MAD2L2: variants seen among roughly 807,000 people sequenced by gnomAD.
The protein encoded by MAD2L2 is mitotic arrest deficient 2 like 2.
In MAD2L2, 17 loss-of-function variants were observed where a neutral mutation model predicts 30.5. The ratio of observed to expected loss-of-function variants is 0.56; its 90% confidence interval spans 0.38 to 0.84. The LOEUF is 0.84. MAD2L2 is among the 40% of genes least tolerant of loss of function. MAD2L2 has a pLI of 0.00. For synonymous variants in MAD2L2, 101 were observed against 113.9 expected, an observed-to-expected ratio of 0.89 and a Z score of 0.72; for missense variants, 213 against 277.4, an observed-to-expected ratio of 0.77 and a Z score of 1.65.
Position 11,676,855 on chromosome 1 carries a change from A to C in MAD2L2, c.325T>G (p.Ser109Ala). 1 of 1,613,754 alleles carries C rather than the reference A, an allele frequency of 6.2e-7. No individual in the cohort carries two copies. The change falls in exon 5 of 9, where the codon TCC becomes GCC. Residue 109 changes from serine to alanine, a missense_variant. Transcript: ENST00000376692. ...GGGGCAGGGGCAGCCCACCTGATGG[A>C]CAGCAGTGGAGGCTGGGTGATCTCA... ...VFEITQPPLL[S>A]ISSDSLLSHV...
At chr1:11,677,762 C>T in intron 3 of MAD2L2, 148 bp from the exon 4 acceptor site, 1 of 649,368 alleles carries the variant, frequency 1.5e-6, no homozygotes, top group Non-Finnish European at 2.7e-6. Flanking sequence ...CACTTTCCCT[C>T]AAGAGGCTAA....
At position 11,688,145 on chromosome 1, in the gene MAD2L2, G is replaced by A. The variant is rs1640995127; in HGVS notation, c.-692+3268C>T. Among the ~76,000 whole-genome samples, 1 of 152,176 alleles carries A rather than the reference G, an allele frequency of 6.6e-6. No individual in the cohort carries two copies. The highest frequency in any genetic ancestry group is 2.4e-5 in the African/African-American group (1 of 41,446). ...CTCTATCCTTGGCGACGCAAATCAT[G>A]CTGGCTGCACACTGCCCCCTCTCCC... On this transcript the variant is annotated intron_variant, in intron 1 of 10. Coordinates refer to the MAD2L2 transcript ENST00000235310. This position sits in a 1 kb window ranked among gnomAD's most constrained non-coding sequence, Gnocchi z 4.6.
At position 11,677,475 on chromosome 1, in the gene MAD2L2, G is replaced by A. The variant is rs775984910; in HGVS notation, c.231+68C>T. The A allele has an allele frequency of 4.1e-6, 6 of 1,445,798 alleles. 1 individual carries two copies. The South Asian group carries it at 6.8e-5, about 16-fold the overall frequency. 89.6% of individuals were successfully genotyped at this position (1,445,798 alleles called of 1,614,324 possible). On this transcript the variant is annotated intron_variant, in intron 4 of 8. Coordinates refer to ENST00000376692, the MANE Select transcript of MAD2L2 (RefSeq NM_006341.4). Reference sequence around the variant, plus strand: ...CTAGCTTCACCCCATCCCAGAGTTGGACTGTGAGCACACAGGGACGGGGGT... The same window carrying A: ...CTAGCTTCACCCCATCCCAGAGTTGAACTGTGAGCACACAGGGACGGGGGT...
chr1:11,675,023 G>A lies in MAD2L2; in HGVS notation c.594+59C>T, dbSNP rs28924115. ...AGCCCTCTAGTAAGGCCTCAGCACC[G>A]GGCCTCACTTCGTTAAGCAGCCCCT... On this transcript the variant is annotated intron_variant, in intron 8 of 8. Transcript: ENST00000376692. The A allele has an allele frequency of 1.6e-3, 2,262 of 1,422,718 alleles. 32 individuals carry two copies. In the African/African-American group the frequency reaches 0.028, roughly 18 times the overall value. 88.1% of individuals were successfully genotyped at this position (1,422,718 alleles called of 1,614,324 possible).
In MAD2L2 at chr1:11,677,553, A is replaced by C. The variant is rs1331983281; in HGVS notation, c.221T>G (p.Leu74Arg). The change falls in exon 4 of 9, where the codon CTC becomes CGC. Residue 74 changes from leucine to arginine, a missense_variant. Coordinates refer to ENST00000376692, the MANE Select transcript of MAD2L2 (RefSeq NM_006341.4). ...CCAGTGCACCCTCACCTTCTCCAGG[A>C]GTGGCTTGACGCAGTGCAGCGTGTC... ...IQDTLHCVKP[L>R]LEKNDVEKVV... The C allele has an allele frequency of 1.9e-6, 3 of 1,613,826 alleles. No individual in the cohort carries two copies.
Position 11,680,447 on chromosome 1 carries a change from A to T in MAD2L2, c.65T>A (p.Phe22Tyr), listed in dbSNP as rs1415526246. Residue 22 changes from phenylalanine (F) to tyrosine (Y), a missense_variant, in exon 3 of 9, where the codon TTC becomes TAC. Phe to Tyr is a conservative substitution (Grantham distance 22). Transcript: ENST00000376692. Reference sequence around the variant, plus strand: ...GATGAGATGCACAGCCACCTCCAGGAACTCGCAGAGCACATCGGCCACCAC... The same window carrying T: ...GATGAGATGCACAGCCACCTCCAGGTACTCGCAGAGCACATCGGCCACCAC... ...GQVVADVLCE[F>Y]LEVAVHLILY... 6.2e-7 allele frequency: 1 copy of T among 1,613,886 alleles called. No individual in the cohort carries two copies. Among genetic ancestry groups the T allele is most frequent in the Non-Finnish European group, 8.5e-7 (1 of 1,179,894 alleles).
chr1:11,677,383 T>G, intron 4 of MAD2L2, 160 bp downstream of exon 4: 1 of 713,050 alleles, frequency 1.4e-6, no homozygotes, highest in South Asian at 1.8e-5. Context: ...GCCCCTGGGT[T>G]GGGATGGTCT....
Position 11,675,739 on chromosome 1 carries a change from G to A in MAD2L2, c.428-8C>T, listed in dbSNP as rs1237684412. On this transcript the variant is annotated splice_region_variant and splice_polypyrimidine_tract_variant and intron_variant, in intron 6 of 8. Transcript: ENST00000376692. ...GGACTGTGAAGGTACAGCCTGGAGA[G>A]GCAAGAGGTTGGTGGAGGCTCCCCC... 1.9e-6 allele frequency: 3 copies of A among 1,613,618 alleles called. No homozygotes were observed. In the Admixed American group the frequency reaches 5.0e-5, roughly 27 times the overall value.
chr1:11,688,671 T>C lies in MAD2L2; in HGVS notation c.-692+2742A>G, dbSNP rs183667501. Among the ~76,000 whole-genome samples the C allele has an allele frequency of 2.0e-5, 3 of 152,302 alleles. No homozygotes were observed. The East Asian group carries it at 5.8e-4, about 29-fold the overall frequency. On this transcript the variant is annotated intron_variant, in intron 1 of 10. Coordinates refer to the MAD2L2 transcript ENST00000235310. The surrounding 1 kb of genome is among the most constrained non-coding windows in gnomAD (Gnocchi z 4.6). ...AAGCTCAAGTCCTCCCTGTGGCCTT[T>C]GCAGGCTCACATTGTTAGAGGTGTC...
At chr1:11,680,932 A>G (rs1640865268) in intron 1 of MAD2L2, 107 bp downstream of exon 1, 2 of 363,684 alleles carry the variant, frequency 5.5e-6, no homozygotes, top group Non-Finnish European at 8.7e-6. Context: ...CCGGGAGCGC[A>G]AAGCGGGACA....
chr1:11,688,710 C>T lies in MAD2L2; in HGVS notation c.-692+2703G>A, dbSNP rs1570297573. ...GTTAGAGGTGTCTGAACCAGAGCAACCCCATCTTGAGTAGGGGCTGGGTCA... is the reference window on the plus strand; with the variant it reads ...GTTAGAGGTGTCTGAACCAGAGCAATCCCATCTTGAGTAGGGGCTGGGTCA... On this transcript the variant is annotated intron_variant, in intron 1 of 10. Coordinates refer to the MAD2L2 transcript ENST00000235310. The surrounding 1 kb of genome is among the most constrained non-coding windows in gnomAD (Gnocchi z 4.6). Among the ~76,000 whole-genome samples the T allele has an allele frequency of 6.6e-6, 1 of 152,198 alleles. No homozygotes were observed. Among genetic ancestry groups the T allele is most frequent in the African/African-American group, 2.4e-5 (1 of 41,450 alleles).
chr1:11,685,402 A>G (rs2336031), upstream of MAD2L2, among the ~76,000 whole-genome samples: 122,741 of 152,064 alleles, frequency 0.81, 49,729 homozygotes, highest in East Asian at 0.91. Context: ...TATGGGTGGC[A>G]CTATGCAGAG....
chr1:11,684,714 G>T (rs1237541729), upstream of MAD2L2, among the ~76,000 whole-genome samples: 1 of 152,134 alleles, frequency 6.6e-6, no homozygotes, highest in East Asian at 1.9e-4. Context: ...ATGGCAGAAT[G>T]AATCAGCTCT....
At chr1:11,684,503 G>A (rs1297779947), upstream of MAD2L2, among the ~76,000 whole-genome samples, 1 of 152,140 alleles carries the variant, frequency 6.6e-6, no homozygotes, top group Non-Finnish European at 1.5e-5. Flanking sequence ...GATGGGGACG[G>A]AGGGAAAATC....
At chr1:11,677,226 G>A in intron 4 of MAD2L2, 1 of 600,734 alleles carries the variant, frequency 1.7e-6, no homozygotes, top group Non-Finnish European at 2.9e-6. Flanking sequence ...GAGGGGCTCA[G>A]CTCAGACAGA....
chr1:11,674,489 C>T lies in MAD2L2; in HGVS notation c.*286G>A, dbSNP rs1434715348. 5.3e-6 allele frequency: 2 copies of T among 375,320 alleles called. No homozygotes were observed. The highest frequency in any genetic ancestry group is 4.5e-5 in the Admixed American group (1 of 22,180). The allele number at this position is 375,320 out of a possible 1,614,324, so 23.2% of individuals were successfully genotyped here. ...TTAATGATGGCTCAGCTCAGCCCAG[C>T]CCTTGGGGCCCCTTTATTGAAACAA... is the stretch of plus-strand genomic sequence containing the variant. On this transcript the variant is annotated 3_prime_UTR_variant, in exon 9 of 9. Coordinates refer to ENST00000376692, the MANE Select transcript of MAD2L2 (RefSeq NM_006341.4). This position sits in a 1 kb window ranked among gnomAD's most constrained non-coding sequence, Gnocchi z 6.1.
chr1:11,691,482 C>T (rs1641064623), exon 1 of MAD2L2: 1 of 152,536 alleles, frequency 6.6e-6, no homozygotes, highest in African/African-American at 2.4e-5. Context: ...TGTCTGCCTC[C>T]TTTGTCTGCC....
In MAD2L2 at chr1:11,690,669, C is replaced by G. The variant is rs902821327; in HGVS notation, c.-692+744G>C. Among the ~76,000 whole-genome samples, 2 of 152,180 alleles carry G rather than the reference C, an allele frequency of 1.3e-5. No homozygotes were observed. Among genetic ancestry groups the G allele is most frequent in the African/African-American group, 4.8e-5 (2 of 41,432 alleles). On this transcript the variant is annotated intron_variant, in intron 1 of 10. Coordinates refer to the MAD2L2 transcript ENST00000235310. The surrounding 1 kb of genome is among the most constrained non-coding windows in gnomAD (Gnocchi z 4.2). ...GCGAGCTCAGGGCGCCAGGTGGGAG[C>G]GCTGCTTCCCACATATGGGAGTCCG...
intron 4 of MAD2L2, 182 bp from the exon 5 acceptor site, chr1:11,677,130 G>A (rs1285225238): frequency 4.6e-6 from 3 of 645,186 alleles, no homozygotes; most frequent in Non-Finnish European, 8.2e-6. Context: ...CCTCCAGCAT[G>A]AGTGGTGTAG....
Sources: gnomAD v4.1 joint callset for allele counts (sites outside exome capture counted in the v4.1 genomes callset) on GRCh38, gnomAD v4.1.1 for gene constraint, Gnocchi (gnomAD v3.1) non-coding constraint, MANE v1.5 for transcripts, NCBI Gene and HGNC (gene_info 2026-07-23, HGNC 2026-07-21) for gene names.